The following WARS1 variants were observed in gnomAD, a reference collection of about 807,000 sequenced individuals.
WARS1 encodes tryptophanyl-tRNA synthetase 1, also known as tryptophan--tRNA ligase, cytoplasmic.
A neutral mutation model predicts 47.8 loss-of-function variants in WARS1; 17 were observed. The ratio of observed to expected loss-of-function variants is 0.36; its 90% CI spans 0.24 to 0.53. The LOEUF is 0.53. WARS1 is among the 20% of genes least tolerant of loss of function. WARS1 has a pLI of 0.91. For missense variants in WARS1, 434 were observed against 608.0 expected (o/e 0.71, Z 3.01); for synonymous variants, 208 against 228.1 (o/e 0.91, Z 0.79).
At chr14:100,343,534 C>G in intron 7 of WARS1, 147 bp from the exon 8 acceptor site, 1 of 581,252 alleles carries the variant, frequency 1.7e-6, no homozygotes. Flanking sequence ...AAAGAACAAG[C>G]TGTACAGTTG....
Position 100,369,046 on chromosome 14 carries a change from G to T in WARS1, c.99+41C>A. On this transcript the variant is annotated intron_variant, in intron 2 of 10. Coordinates refer to ENST00000392882, the MANE Select transcript of WARS1 (RefSeq NM_004184.4). ...GGAACACAACCCTACAGACTTGGGA[G>T]GCTCAGCTGCCTTCGTGGAGAACCC... is the stretch of plus-strand genomic sequence containing the variant. 4.2e-6 allele frequency: 6 copies of T among 1,441,574 alleles called. 1 individual carries two copies. Among genetic ancestry groups the T allele is most frequent in the Non-Finnish European group, 5.6e-6 (6 of 1,067,998 alleles). The allele number at this position is 1,441,574 out of a possible 1,614,324, so 89.3% of individuals were successfully genotyped here. A position where few individuals can be genotyped will look rare whatever the true frequency, so the allele number is the denominator to read the frequency against.
chr14:100,346,033 G>A (rs559042117), intron 7 of WARS1, among the ~76,000 whole-genome samples: 1 of 152,256 alleles, frequency 6.6e-6, no homozygotes, highest in Non-Finnish European at 1.5e-5. Context: ...CTGACTGAAG[G>A]CCTCAAGGGC....
rs371310773 is a variant in WARS1, at chr14:100,361,891, C to A, written c.130G>T (p.Val44Leu). ...GCTTTGTAGCTCATTTTTAATGACA[C>A]CAACATCTTTACTGCAGAATCAATT... is the stretch of plus-strand genomic sequence containing the variant. ...DEIDSAVKML[V>L]SLKMSYKAAA... The change falls in exon 3 of 11, where the codon GTG (valine) becomes TTG (leucine). Residue 44 changes from valine to leucine, a missense_variant. By Grantham distance (32) the Val-to-Leu change is conservative. Transcript: ENST00000392882. The A allele has an allele frequency of 6.2e-7, 1 of 1,614,074 alleles. No individual in the cohort carries two copies.
intron 4 of WARS1, among the ~76,000 whole-genome samples, chr14:100,358,438 A>T (rs1480151897): frequency 6.6e-6 from 1 of 152,184 alleles, no homozygotes; most frequent in Non-Finnish European, 1.5e-5. Flanking sequence ...AGCCAAGAAT[A>T]GTCTTTTCAA....
At chr14:100,375,459 G>C (rs757344525), upstream of WARS1, 1 of 152,070 alleles carries the variant, frequency 6.6e-6, no homozygotes, top group Non-Finnish European at 1.5e-5. Flanking sequence ...TTCAGCTAAG[G>C]GTTTCTTATA....
chr14:100,342,694 C>A, intron 8 of WARS1, 123 bp from the exon 9 acceptor site: 1 of 830,478 alleles, frequency 1.2e-6, no homozygotes, highest in Non-Finnish European at 1.8e-6. Context: ...AAATTCACTC[C>A]CTCCTCCCCT....
rs1339134930 is a variant in WARS1, at chr14:100,342,539, G to C, written c.972C>G (p.Ala324=). 6.2e-7 allele frequency: 1 copy of C among 1,612,836 alleles called. No homozygotes were observed. Among genetic ancestry groups the C allele is most frequent in the Non-Finnish European group, 8.5e-7 (1 of 1,179,610 alleles). The change falls in exon 9 of 11, where the codon GCC becomes GCG. Residue 324 remains alanine (A), a synonymous_variant. Coordinates refer to ENST00000392882, the MANE Select transcript of WARS1 (RefSeq NM_004184.4). ...CTGGTTTAGGATAGCCGATCCTGGG[G>C]GCGACGTCCCTTGTCATTCTAAAGT... The part of the protein sequence containing the change: ...DPYFRMTRDV[A]PRIGYPKPAL...
At chr14:100,337,680 C>G (rs1893838276) in intron 9 of WARS1, among the ~76,000 whole-genome samples, 1 of 122,804 alleles carries the variant, frequency 8.1e-6, no homozygotes, top group Admixed American at 9.7e-5. Context: ...GTGAGCCCTC[C>G]TCTCTGCCAA....
chr14:100,334,928 C>G lies in WARS1; in HGVS notation c.1363G>C (p.Glu455Gln). The G allele has an allele frequency of 1.2e-6, 2 of 1,614,190 alleles. No homozygotes were observed. Among genetic ancestry groups the G allele is most frequent in the South Asian group, 2.2e-5 (2 of 91,080 alleles). The change falls in exon 11 of 11, where the codon GAG becomes CAG. Residue 455 changes from glutamate (E) to glutamine (Q), a missense_variant. Glu to Gln is a conservative substitution (Grantham distance 29, BLOSUM62 2). Transcript: ENST00000392882. The stretch of plus-strand genomic sequence containing the variant: ...GGAGTCATGAACTCTTTCACTATCT[C>G]ATCCGTGACCTCCTTGCGCCGGGCC... ...HQARRKEVTD[E>Q]IVKEFMTPRK...
chr14:100,346,115 A>G (rs1025310129), intron 7 of WARS1, among the ~76,000 whole-genome samples: 1 of 152,260 alleles, frequency 6.6e-6, no homozygotes, highest in Admixed American at 6.5e-5. Flanking sequence ...ACAAGTCTCA[A>G]GGACCAAAAG....
chr14:100,343,156 C>A, intron 8 of WARS1, 119 bp downstream of exon 8: 1 of 777,016 alleles, frequency 1.3e-6, no homozygotes, highest in Non-Finnish European at 1.9e-6. Flanking sequence ...GTATTACAGG[C>A]GTGAGCCACC....
chr14:100,342,829 C>T (rs1314950550), intron 8 of WARS1, among the ~76,000 whole-genome samples: 4 of 152,028 alleles, frequency 2.6e-5, no homozygotes, highest in Non-Finnish European at 5.9e-5. Context: ...AACCCGTCAT[C>T]TAGGTTTTAA....
At chr14:100,372,524 G>A (rs754125558) in intron 1 of WARS1, among the ~76,000 whole-genome samples, 4 of 152,096 alleles carry the variant, frequency 2.6e-5, no homozygotes, top group Admixed American at 6.6e-5. Flanking sequence ...GAGGAATGCC[G>A]GAGTACCCTC....
At chr14:100,356,016 G>T (rs1482989833) in intron 4 of WARS1, among the ~76,000 whole-genome samples, 1 of 152,138 alleles carries the variant, frequency 6.6e-6, no homozygotes. Context: ...CTCCTGACAA[G>T]CGTGCAGAAA....
At chr14:100,343,187 T>G (rs927021081) in intron 8 of WARS1, 88 bp downstream of exon 8, 2 of 1,176,950 alleles carry the variant, frequency 1.7e-6, no homozygotes, top group Non-Finnish European at 1.2e-6. Flanking sequence ...GCCCATCATA[T>G]CTTTCAATAC....
intron 9 of WARS1, among the ~76,000 whole-genome samples, chr14:100,337,979 G>A (rs894459041): frequency 6.6e-6 from 1 of 152,124 alleles, no homozygotes; most frequent in Non-Finnish European, 1.5e-5. Context: ...CAGTGTTAAT[G>A]GGGACAGGAA....
At chr14:100,364,051 G>A (rs1895808898) in intron 2 of WARS1, among the ~76,000 whole-genome samples, 1 of 152,166 alleles carries the variant, frequency 6.6e-6, no homozygotes, top group Admixed American at 6.5e-5. Context: ...GTGGCTTCTA[G>A]GTGCTCTCTG....
chr14:100,371,186 G>A (rs1320293438), intron 1 of WARS1, among the ~76,000 whole-genome samples: 1 of 152,032 alleles, frequency 6.6e-6, no homozygotes, highest in Non-Finnish European at 1.5e-5. Context: ...GGTGGCTCAC[G>A]CCTATAATCC....
intron 9 of WARS1, among the ~76,000 whole-genome samples, chr14:100,339,611 GA>G (rs1372862204): frequency 2.4e-5 from 3 of 122,998 alleles, no homozygotes; most frequent in South Asian, 2.8e-4. Flanking sequence ...AAAAAAAAAG[GA>G]AAAAAAAAGT....
Sources: allele counts gnomAD v4.1 joint callset (sites outside exome capture counted in the v4.1 genomes callset), GRCh38; gene constraint gnomAD v4.1.1; transcripts MANE v1.5; gene names NCBI Gene and HGNC (gene_info 2026-07-23, HGNC 2026-07-21).